Variants in SRBD1 observed in about 807,000 individuals in gnomAD.
SRBD1 encodes S1 RNA binding domain 1, also known as S1 RNA-binding domain-containing protein 1.
Under a neutral mutation model 115.3 loss-of-function variants are expected in SRBD1, and 88 were observed. That is an observed-to-expected ratio of 0.76 (90% CI 0.64 to 0.91). SRBD1 has a LOEUF of 0.91. Ranked by LOEUF, SRBD1 falls within the 40% of genes least tolerant of loss-of-function variation. The pLI, the probability that SRBD1 is intolerant of heterozygous loss-of-function variation, is 0.00. For missense variants in SRBD1, 1,385 were observed against 1,177.4 expected, an observed-to-expected ratio of 1.18 and a Z score of -2.58; for synonymous variants, 509 against 407.7, an observed-to-expected ratio of 1.25 and a Z score of -2.99.
rs534272043 is a variant in SRBD1, at chr2:45,551,234, T to C, written c.1566A>G (p.Gly522=). Residue 522 remains glycine (G), a synonymous_variant, in exon 12 of 21, where the codon GGA becomes GGG. Coordinates refer to ENST00000263736, the MANE Select transcript of SRBD1 (RefSeq NM_018079.5). ...TTAAAAGGAGCTGACGAAGGTTCCG[T>C]CCAAACATCATTACTGATTCCTTCT... ...DAEKESVMMF[G]RNLRQLLLTS... The C allele has an allele frequency of 3.1e-6, 5 of 1,612,610 alleles. No homozygotes were observed. Among genetic ancestry groups the C allele is most frequent in the Non-Finnish European group, 4.2e-6 (5 of 1,179,734 alleles).
chr2:45,411,101 G>A (rs990430281), intron 19 of SRBD1, among the ~76,000 whole-genome samples: 1 of 152,158 alleles, frequency 6.6e-6, no homozygotes, highest in Non-Finnish European at 1.5e-5. Flanking sequence ...CAATCTTGTA[G>A]TTCTGAGCCC....
At chr2:45,416,899 C>T (rs1667848818) in intron 18 of SRBD1, among the ~76,000 whole-genome samples, 1 of 152,112 alleles carries the variant, frequency 6.6e-6, no homozygotes, top group African/African-American at 2.4e-5. Flanking sequence ...CTGTCTCAGC[C>T]TCCTGGGTAG....
chr2:45,430,110 A>G (rs1558388366), intron 16 of SRBD1, among the ~76,000 whole-genome samples: 1 of 152,204 alleles, frequency 6.6e-6, no homozygotes, highest in Non-Finnish European at 1.5e-5. Context: ...AAGGAGAACT[A>G]CAAACCACTG....
intron 16 of SRBD1, among the ~76,000 whole-genome samples, chr2:45,428,577 A>T (rs138355172): frequency 7.9e-6 from 1 of 125,834 alleles, no homozygotes; most frequent in East Asian, 2.0e-4. Flanking sequence ...TAAATAAATA[A>T]ATAAATACAT....
intron 14 of SRBD1, among the ~76,000 whole-genome samples, chr2:45,526,513 A>G (rs1485659177): frequency 6.6e-6 from 1 of 151,842 alleles, no homozygotes; most frequent in Non-Finnish European, 1.5e-5. Flanking sequence ...GGTTTTTGAG[A>G]TGAAAAAGTT....
intron 16 of SRBD1, among the ~76,000 whole-genome samples, chr2:45,430,473 C>T (rs1029292180): frequency 2.0e-5 from 3 of 152,056 alleles, no homozygotes; most frequent in Non-Finnish European, 2.9e-5. Flanking sequence ...AAAAAAGAAC[C>T]CTCAGCAATA....
At chr2:45,521,721 C>T (rs1467766239) in intron 14 of SRBD1, among the ~76,000 whole-genome samples, 1 of 152,132 alleles carries the variant, frequency 6.6e-6, no homozygotes, top group Non-Finnish European at 1.5e-5. Context: ...AATCCCAGCA[C>T]TTTAGGTGGC....
At chr2:45,443,842 A>G (rs1195832906) in intron 16 of SRBD1, among the ~76,000 whole-genome samples, 5 of 150,022 alleles carry the variant, frequency 3.3e-5, no homozygotes, top group African/African-American at 1.2e-4. Flanking sequence ...ACTACCCACT[A>G]GTTTTACAAA....
chr2:45,550,507 AG>A (rs1285532845), intron 12 of SRBD1, among the ~76,000 whole-genome samples: 5 of 151,856 alleles, frequency 3.3e-5, no homozygotes, highest in African/African-American at 4.8e-5. Context: ...AAAAAAAAAA[AG>A]AATGACATCT....
chr2:45,411,619 C>T (rs1456861003), intron 19 of SRBD1, among the ~76,000 whole-genome samples: 1 of 152,094 alleles, frequency 6.6e-6, no homozygotes, highest in Non-Finnish European at 1.5e-5. Flanking sequence ...CTGATCTCAA[C>T]AGCAGTTTGG....
At chr2:45,610,100 G>A (rs1041149527) in intron 1 of SRBD1, among the ~76,000 whole-genome samples, 1 of 152,122 alleles carries the variant, frequency 6.6e-6, no homozygotes, top group African/African-American at 2.4e-5. Context: ...CAGTGACTTG[G>A]GATTTTTCCC....
At chr2:45,492,103 G>A (rs562216932) in intron 14 of SRBD1, among the ~76,000 whole-genome samples, 10 of 152,094 alleles carry the variant, frequency 6.6e-5, no homozygotes, top group East Asian at 1.9e-4. Context: ...TCACAGGCGT[G>A]AGCCACTACG....
chr2:45,419,933 T>C lies in SRBD1; in HGVS notation c.2050-39A>G, dbSNP rs756148389. 34 of 1,489,312 alleles carry C rather than the reference T, an allele frequency of 2.3e-5. No individual in the cohort carries two copies. The South Asian group carries it at 2.9e-4, about 13-fold the overall frequency. The allele number at this position is 1,489,312 out of a possible 1,614,324, so 92.3% of individuals were successfully genotyped here. A position where few individuals can be genotyped will look rare whatever the true frequency, so the allele number is the denominator to read the frequency against. Reference sequence around the variant, plus strand: ...GATCAAATATTAACAGTGAAGGAGATGTAGTTCTTGGACTATTCCATTACT... The same window carrying C: ...GATCAAATATTAACAGTGAAGGAGACGTAGTTCTTGGACTATTCCATTACT... On this transcript the variant is annotated intron_variant, in intron 16 of 20. Transcript: ENST00000263736.
chr2:45,426,268 G>A (rs1668151511), intron 16 of SRBD1, among the ~76,000 whole-genome samples: 1 of 152,218 alleles, frequency 6.6e-6, no homozygotes, highest in African/African-American at 2.4e-5. Context: ...CAGCAGCTCT[G>A]CAAAGCCACT....
intron 2 of SRBD1, among the ~76,000 whole-genome samples, chr2:45,602,382 C>T (rs1674122923): frequency 6.6e-6 from 1 of 152,184 alleles, no homozygotes; most frequent in Admixed American, 6.5e-5. Flanking sequence ...CATTTATTAC[C>T]TTAAGTAATT....
At position 45,546,722 on chromosome 2, in the gene SRBD1, A is replaced by C. The variant is rs372758395; in HGVS notation, c.1874+10T>G. 35 of 1,612,506 alleles carry C rather than the reference A, an allele frequency of 2.2e-5. No homozygotes were observed. Among genetic ancestry groups the C allele is most frequent in the Non-Finnish European group, 2.8e-5 (33 of 1,178,710 alleles). Reference sequence around the variant, plus strand: ...TTCTCCAAGAAAAGAGATATATGTAATAGCCTTACCAGTAAACAACATCCA... The same window carrying C: ...TTCTCCAAGAAAAGAGATATATGTACTAGCCTTACCAGTAAACAACATCCA... On this transcript the variant is annotated intron_variant, in intron 14 of 20. Transcript: ENST00000263736.
rs1158524595 is a variant in SRBD1, at chr2:45,422,358, T to A, written c.2050-2464A>T. Reference sequence around the variant, plus strand: ...TTTATCCCATTTCTGCAAGGCCATATGCTTTGGAAAAGCTGGTCCCACCTC... The same window carrying A: ...TTTATCCCATTTCTGCAAGGCCATAAGCTTTGGAAAAGCTGGTCCCACCTC... On this transcript the variant is annotated intron_variant, in intron 16 of 20. Coordinates refer to ENST00000263736, the MANE Select transcript of SRBD1 (RefSeq NM_018079.5). 4.6e-5 allele frequency among the ~76,000 whole-genome samples: 7 copies of A among 152,228 alleles called. No individual in the cohort carries two copies. The East Asian group carries it at 1.3e-3, about 29-fold the overall frequency.
chr2:45,438,683 TAAA>T (rs1246842692), intron 16 of SRBD1, among the ~76,000 whole-genome samples: 1 of 151,512 alleles, frequency 6.6e-6, no homozygotes, highest in Non-Finnish European at 1.5e-5. Flanking sequence ...AGACCAGAAA[TAAA>T]AAAAGAAGGA....
intron 14 of SRBD1, among the ~76,000 whole-genome samples, chr2:45,532,458 T>C (rs756191719): frequency 3.3e-5 from 5 of 151,884 alleles, no homozygotes; most frequent in South Asian, 4.1e-4. Context: ...AGGTACCTGA[T>C]GAAATAGGGA....
Sources: gnomAD v4.1 joint callset for allele counts (sites outside exome capture counted in the v4.1 genomes callset) on GRCh38, gnomAD v4.1.1 for gene constraint, MANE v1.5 for transcripts, NCBI Gene and HGNC (gene_info 2026-07-23, HGNC 2026-07-21) for gene names.